The following DCHS2 variants were observed in gnomAD, a reference collection of about 807,000 sequenced individuals.
DCHS2 encodes the protein protocadherin-23.
DCHS2 carries 142 observed loss-of-function variants against 182.4 expected under a neutral mutation model. The observed-to-expected ratio is 0.78, with a 90% CI of 0.68 to 0.89. DCHS2 has a LOEUF of 0.89. DCHS2 is among the 40% of genes least tolerant of loss of function. The pLI is 0.00. For synonymous variants in DCHS2, 1,740 were observed against 1,663.3 expected, an observed-to-expected ratio of 1.05 and a Z score of -1.12; for missense variants, 4,319 against 4,198.6, an observed-to-expected ratio of 1.03 and a Z score of -0.79.
chr4:154,290,834 G>C (rs902237561), intron 13 of DCHS2, among the ~76,000 whole-genome samples: 1 of 151,928 alleles, frequency 6.6e-6, no homozygotes, highest in African/African-American at 2.4e-5. Flanking sequence ...CTATAAAACT[G>C]CTAAAAGAAA....
At chr4:154,274,824 C>T (rs72970631) in intron 13 of DCHS2, among the ~76,000 whole-genome samples, 2,519 of 151,762 alleles carry the variant, frequency 0.017, 58 homozygotes, top group African/African-American at 0.047. Flanking sequence ...TTTTAACTAA[C>T]TTTTTTTTCA....
At chr4:154,255,733 T>C in intron 15 of DCHS2, 63 bp from the exon 16 acceptor site, 1 of 1,498,842 alleles carries the variant, frequency 6.7e-7, no homozygotes, top group East Asian at 2.5e-5. Context: ...CAGTCTGTTT[T>C]TCAGAGACAT....
chr4:154,486,151 T>C lies in DCHS2; in HGVS notation c.2052+3153A>G, dbSNP rs571844610. ...GAGTGCCTACAATGTTGTAAAAACCTTTTGCAGCTAGAGGTTATCTATCTC... is the reference window on the plus strand; with the variant it reads ...GAGTGCCTACAATGTTGTAAAAACCCTTTGCAGCTAGAGGTTATCTATCTC... On this transcript the variant is annotated intron_variant, in intron 1 of 19. Coordinates refer to ENST00000357232, the MANE Select transcript of DCHS2 (RefSeq NM_001358235.2). Among the ~76,000 whole-genome samples the C allele has an allele frequency of 3.9e-5, 6 of 152,332 alleles. No homozygotes were observed. In the East Asian group the frequency reaches 1.2e-3, roughly 29 times the overall value.
At chr4:154,254,292 T>C (rs1248462865) in intron 16 of DCHS2, among the ~76,000 whole-genome samples, 1 of 152,202 alleles carries the variant, frequency 6.6e-6, no homozygotes, top group Non-Finnish European at 1.5e-5. Context: ...CGGTTTCTTA[T>C]ATTTTCTTCC....
intron 3 of DCHS2, among the ~76,000 whole-genome samples, chr4:154,356,366 T>C (rs887290000): frequency 2.6e-5 from 4 of 151,680 alleles, no homozygotes; most frequent in African/African-American, 7.2e-5. Context: ...TTAAAGTTTA[T>C]AAAGTTAAAA....
chr4:154,377,007 T>C (rs796122983), intron 2 of DCHS2, among the ~76,000 whole-genome samples: 18 of 152,332 alleles, frequency 1.2e-4, no homozygotes, highest in African/African-American at 3.8e-4. Flanking sequence ...TAAGATATCA[T>C]TAAAGCATTA....
intron 1 of DCHS2, among the ~76,000 whole-genome samples, chr4:154,400,287 A>T (rs942479400): frequency 9.9e-6 from 1 of 101,182 alleles, no homozygotes; most frequent in Non-Finnish European, 2.0e-5. Flanking sequence ...TGGGCAACAG[A>T]GCGAGACTTC....
At chr4:154,258,289 G>A (rs1054457272) in intron 15 of DCHS2, among the ~76,000 whole-genome samples, 1 of 150,644 alleles carries the variant, frequency 6.6e-6, no homozygotes, top group Non-Finnish European at 1.5e-5. Context: ...CTCCAAGGCA[G>A]CTGAGACTCT....
chr4:154,282,509 AAAAAC>A (rs1734194317), intron 13 of DCHS2, among the ~76,000 whole-genome samples: 1 of 152,078 alleles, frequency 6.6e-6, no homozygotes, highest in Non-Finnish European at 1.5e-5. Context: ...AAATTAAAAA[AAAAAC>A]AGAAAATAAC....
At position 154,240,695 on chromosome 4, in the gene DCHS2, C is replaced by T; in HGVS notation, c.7201G>A (p.Val2401Met). ...TKFAIDQNTG[V>M]VVLVKTLDFE... is the part of the protein sequence containing the mutation. ...TCCAATGTTTTCACCAACACCACCA[C>T]TCCAGTGTTCTGATCAATAGCAAAC... Residue 2401 changes from valine to methionine, a missense_variant, in exon 18 of 20, where the codon GTG (valine) becomes ATG (methionine). Physicochemically the swap from Val to Met is conservative, Grantham distance 21. Transcript: ENST00000357232. 1 of 1,614,006 alleles carries T rather than the reference C, an allele frequency of 6.2e-7. No individual in the cohort carries two copies. Among genetic ancestry groups the T allele is most frequent in the Non-Finnish European group, 8.5e-7 (1 of 1,179,920 alleles).
chr4:154,266,652 T>C (rs1259419462), intron 14 of DCHS2, among the ~76,000 whole-genome samples: 2 of 27,834 alleles, frequency 7.2e-5, no homozygotes, highest in Non-Finnish European at 1.4e-4. Flanking sequence ...CAAGGCTCCG[T>C]CTCAAAAAAA....
intron 13 of DCHS2, among the ~76,000 whole-genome samples, chr4:154,273,298 C>T (rs1257566396): frequency 6.6e-6 from 1 of 152,028 alleles, no homozygotes; most frequent in African/African-American, 2.4e-5. Flanking sequence ...GAAATAATGG[C>T]ATTCACAGCA....
intron 1 of DCHS2, among the ~76,000 whole-genome samples, chr4:154,427,930 G>A (rs1043623279): frequency 2.0e-4 from 30 of 152,216 alleles, no homozygotes; most frequent in African/African-American, 7.0e-4. Flanking sequence ...TCTATACATT[G>A]AGAGCAAACA....
intron 1 of DCHS2, among the ~76,000 whole-genome samples, chr4:154,410,470 C>CAAAAAAAA (rs61280673): frequency 1.0e-4 from 7 of 70,346 alleles, no homozygotes; most frequent in Non-Finnish European, 1.7e-4. Context: ...ACCCAGAGGG[C>CAAAAAAAA]AAAAAAAAAA....
At chr4:154,417,065 G>A (rs1380185971) in intron 1 of DCHS2, among the ~76,000 whole-genome samples, 1 of 152,058 alleles carries the variant, frequency 6.6e-6, no homozygotes, top group African/African-American at 2.4e-5. Context: ...ACAGGATCGC[G>A]GCGGGGTCGC....
intron 10 of DCHS2, among the ~76,000 whole-genome samples, chr4:154,308,043 G>A (rs957281936): frequency 6.6e-6 from 1 of 151,988 alleles, no homozygotes; most frequent in Non-Finnish European, 1.5e-5. Flanking sequence ...TCCTTCTCTA[G>A]CTATAAGAAG....
intron 16 of DCHS2, among the ~76,000 whole-genome samples, chr4:154,251,532 T>C (rs1464699981): frequency 6.6e-6 from 1 of 152,222 alleles, no homozygotes; most frequent in Non-Finnish European, 1.5e-5. Flanking sequence ...CTTTTTCTTT[T>C]TTTGAGACAA....
chr4:154,291,668 A>G (rs1734667169), intron 13 of DCHS2, among the ~76,000 whole-genome samples: 1 of 152,196 alleles, frequency 6.6e-6, no homozygotes. Context: ...ACTGGAGGTC[A>G]TTATGTTAAG....
intron 16 of DCHS2, among the ~76,000 whole-genome samples, chr4:154,244,905 C>A (rs1442524704): frequency 6.6e-6 from 1 of 152,174 alleles, no homozygotes; most frequent in Non-Finnish European, 1.5e-5. Flanking sequence ...TTCTCCCCTG[C>A]TGCTTGCCCC....
Sources: allele counts gnomAD v4.1 joint callset (sites outside exome capture counted in the v4.1 genomes callset), GRCh38; gene constraint gnomAD v4.1.1; transcripts MANE v1.5; gene names NCBI Gene and HGNC (gene_info 2026-07-23, HGNC 2026-07-21).